Variants in PRSS3 observed in about 807,000 individuals in gnomAD.
PRSS3 encodes the protein serine protease 3.
A neutral mutation model predicts 20.8 loss-of-function variants in PRSS3; 14 were observed. That is an observed-to-expected ratio of 0.67 (90% CI 0.44 to 1.05). The LOEUF (loss-of-function observed/expected upper bound fraction) is 1.05, where lower values mean the gene tolerates loss of function less well. Ranked by LOEUF, PRSS3 falls within the 50% of genes least tolerant of loss-of-function variation. PRSS3 has a pLI of 0.00. For synonymous variants in PRSS3, 91 were observed against 117.6 expected, an observed-to-expected ratio of 0.77 and a Z score of 1.46; for missense variants, 237 against 306.4, an observed-to-expected ratio of 0.77 and a Z score of 1.69.
At chr9:33,798,907 C>G in intron 4 of PRSS3, 121 bp from the exon 5 acceptor site, 4 of 1,180,660 alleles carry the variant, frequency 3.4e-6, no homozygotes, top group Admixed American at 2.1e-5. Flanking sequence ...AATGGGCCAC[C>G]GTGGGAAGGA....
At chr9:33,755,627 A>G (rs994120378) in intron 1 of PRSS3, among the ~76,000 whole-genome samples, 2 of 152,200 alleles carry the variant, frequency 1.3e-5, no homozygotes, top group Admixed American at 6.5e-5. Context: ...ACTAAGGCAC[A>G]TGACACACCA....
At chr9:33,788,130 A>G (rs1048448984) in intron 1 of PRSS3, among the ~76,000 whole-genome samples, 2 of 152,234 alleles carry the variant, frequency 1.3e-5, no homozygotes, top group Non-Finnish European at 2.9e-5. Context: ...AGCCCTGGCT[A>G]TTCTGGACAG....
rs1825199112 is a variant in PRSS3, at chr9:33,799,141, T to C, written c.705T>C (p.Tyr235=). 13 of 1,614,186 alleles carry C rather than the reference T, an allele frequency of 8.1e-6. No individual in the cohort carries two copies. In the East Asian group the frequency reaches 2.9e-4, roughly 36 times the overall value. The change falls in exon 5 of 5, where the codon TAT becomes TAC. Residue 235 remains tyrosine (Y), a synonymous_variant. Coordinates refer to ENST00000379405, the MANE Select transcript of PRSS3 (RefSeq NM_002771.4). ...RPGVYTKVYN[Y]VDWIKDTIAA... ...GAGTCTACACCAAGGTCTACAACTATGTGGACTGGATTAAGGACACCATCG... is the reference window on the plus strand; with the variant it reads ...GAGTCTACACCAAGGTCTACAACTACGTGGACTGGATTAAGGACACCATCG...
chr9:33,761,168 T>A (rs1823183015), intron 1 of PRSS3, among the ~76,000 whole-genome samples: 1 of 152,208 alleles, frequency 6.6e-6, no homozygotes, highest in African/African-American at 2.4e-5. Context: ...TGTGTGGACA[T>A]CCTAGAGTGT....
chr9:33,755,329 TA>T (rs1822891873), intron 1 of PRSS3, among the ~76,000 whole-genome samples: 1 of 152,222 alleles, frequency 6.6e-6, no homozygotes, highest in South Asian at 2.1e-4. Context: ...AGAAGGTTTT[TA>T]TTGAGTTTAT....
At chr9:33,786,068 G>A (rs1269414329) in intron 1 of PRSS3, 4 of 281,778 alleles carry the variant, frequency 1.4e-5, no homozygotes, top group African/African-American at 2.2e-5. Context: ...AGTTCCACCA[G>A]GGGGAAGACT....
At chr9:33,756,008 T>C (rs564256226) in intron 1 of PRSS3, among the ~76,000 whole-genome samples, 44 of 152,342 alleles carry the variant, frequency 2.9e-4, no homozygotes, top group African/African-American at 1.1e-3. Flanking sequence ...TGTACTTTCA[T>C]ACCCAATTAT....
At chr9:33,751,740 G>T (rs1247535857) in intron 1 of PRSS3, among the ~76,000 whole-genome samples, 1 of 152,154 alleles carries the variant, frequency 6.6e-6, no homozygotes, top group East Asian at 1.9e-4. Flanking sequence ...TATTGTTCAT[G>T]AGAAACGTGT....
chr9:33,757,434 AC>A (rs1822998061), intron 1 of PRSS3, among the ~76,000 whole-genome samples: 1 of 151,670 alleles, frequency 6.6e-6, no homozygotes, highest in African/African-American at 2.4e-5. Flanking sequence ...TTTCCCTTGT[AC>A]AGCCCCACAG....
intron 1 of PRSS3, among the ~76,000 whole-genome samples, chr9:33,784,296 TAAATG>T (rs1824297552): frequency 6.6e-6 from 1 of 152,210 alleles, no homozygotes; most frequent in Non-Finnish European, 1.5e-5. Flanking sequence ...GCTTTTAGGA[TAAATG>T]AAATGAAAAA....
At chr9:33,782,160 A>G (rs1167952330) in intron 1 of PRSS3, among the ~76,000 whole-genome samples, 1 of 152,156 alleles carries the variant, frequency 6.6e-6, no homozygotes, top group African/African-American at 2.4e-5. Context: ...GTGAGTTTCC[A>G]CTTTCTCCTT....
intron 1 of PRSS3, among the ~76,000 whole-genome samples, chr9:33,752,287 C>A (rs944990349): frequency 3.3e-5 from 5 of 152,170 alleles, no homozygotes; most frequent in African/African-American, 1.2e-4. Flanking sequence ...TCATCTCCCC[C>A]CTACCTTCAG....
chr9:33,792,723 G>A (rs949963339), upstream of PRSS3, among the ~76,000 whole-genome samples: 11 of 152,122 alleles, frequency 7.2e-5, no homozygotes, highest in South Asian at 2.1e-4. Flanking sequence ...ATGGGCAATC[G>A]CATAAGTGGT....
chr9:33,762,044 A>G (rs1192808418), intron 1 of PRSS3: 1 of 152,144 alleles, frequency 6.6e-6, no homozygotes, highest in Admixed American at 6.5e-5. Flanking sequence ...TATCCATTAT[A>G]TTATTTCCTT....
intron 1 of PRSS3, among the ~76,000 whole-genome samples, chr9:33,776,849 A>G (rs1823956834): frequency 6.6e-6 from 1 of 152,170 alleles, no homozygotes; most frequent in Admixed American, 6.5e-5. Context: ...AATGTGTGCA[A>G]TTGGAGTAAG....
chr9:33,772,771 T>G (rs1401922345), intron 1 of PRSS3, among the ~76,000 whole-genome samples: 1 of 152,152 alleles, frequency 6.6e-6, no homozygotes, highest in Non-Finnish European at 1.5e-5. Flanking sequence ...CTCTGGGGTA[T>G]TTGGGATCTA....
intron 1 of PRSS3, among the ~76,000 whole-genome samples, chr9:33,754,122 C>T (rs1179598317): frequency 1.3e-5 from 2 of 151,922 alleles, no homozygotes; most frequent in African/African-American, 4.8e-5. Context: ...GATGGAGTCT[C>T]ACTCAGTGGC....
chr9:33,795,541 C>T (rs756011378), upstream of PRSS3: 15 of 1,594,544 alleles, frequency 9.4e-6, no homozygotes, highest in Non-Finnish European at 1.3e-5. Flanking sequence ...TAAGGACAGG[C>T]CTTCCACCAC....
intron 1 of PRSS3, among the ~76,000 whole-genome samples, chr9:33,751,411 G>A (rs1822694614): frequency 6.6e-6 from 1 of 152,192 alleles, no homozygotes; most frequent in African/African-American, 2.4e-5. Flanking sequence ...GAAATTTGCG[G>A]GGGTGGCCCT....
Sources: gnomAD v4.1 joint callset for allele counts (sites outside exome capture counted in the v4.1 genomes callset) on GRCh38, gnomAD v4.1.1 for gene constraint, MANE v1.5 for transcripts, NCBI Gene and HGNC (gene_info 2026-07-23, HGNC 2026-07-21) for gene names.